CCSER1: variants seen among roughly 807,000 people sequenced by gnomAD.
CCSER1 encodes coiled-coil serine rich protein 1.
In CCSER1, 41 loss-of-function variants were observed where a neutral mutation model predicts 82.0. The ratio of observed to expected loss-of-function variants is 0.50; its 90% CI spans 0.39 to 0.65. The LOEUF (loss-of-function observed/expected upper bound fraction) is 0.65. Ranked by LOEUF, CCSER1 falls within the 30% of genes least tolerant of loss-of-function variation. The pLI, the probability that CCSER1 is intolerant of heterozygous loss-of-function variation, is 0.00. For missense variants in CCSER1, 1,119 were observed against 1,064.2 expected, an observed-to-expected ratio of 1.05 and a Z score of -0.72; for synonymous variants, 414 against 383.9, an observed-to-expected ratio of 1.08 and a Z score of -0.92.
intron 10 of CCSER1, among the ~76,000 whole-genome samples, chr4:91,248,979 C>G (rs181484048): frequency 6.6e-6 from 1 of 152,110 alleles, no homozygotes; most frequent in Non-Finnish European, 1.5e-5. Flanking sequence ...TGGGTACACA[C>G]TTTGCCATAG....
intron 5 of CCSER1, among the ~76,000 whole-genome samples, chr4:90,587,895 A>G (rs1386684895): frequency 2.0e-5 from 3 of 152,344 alleles, no homozygotes; most frequent in Non-Finnish European, 4.4e-5. Context: ...CCAGACCACC[A>G]TAATCAAGTG....
chr4:91,532,535 T>C (rs1185335568), intron 10 of CCSER1, among the ~76,000 whole-genome samples: 1 of 152,132 alleles, frequency 6.6e-6, no homozygotes, highest in Non-Finnish European at 1.5e-5. Context: ...GCAAAGTAAT[T>C]TGCAGAACAA....
intron 1 of CCSER1, among the ~76,000 whole-genome samples, chr4:90,300,491 G>A (rs1732887423): frequency 1.3e-5 from 2 of 152,102 alleles, no homozygotes; most frequent in African/African-American, 4.8e-5. Flanking sequence ...GTAAGTGGTA[G>A]TACTTGCATT....
chr4:90,616,239 A>AACCT (rs1721167378), intron 5 of CCSER1, among the ~76,000 whole-genome samples: 1 of 152,180 alleles, frequency 6.6e-6, no homozygotes, highest in Non-Finnish European at 1.5e-5. Context: ...AGTGGCATGG[A>AACCT]ACCTAACCCA....
Position 91,146,267 on chromosome 4 carries a change from C to T in CCSER1, c.2217+60273C>T, listed in dbSNP as rs554648467. ...ATTTCTGTAGTGAATTTTTCAATTC[C>T]AGAATTTCAGTGGGTTCCTTCTTAA... On this transcript the variant is annotated intron_variant, in intron 10 of 10. Transcript: ENST00000509176. Among the ~76,000 whole-genome samples, 5 of 152,208 alleles carry T rather than the reference C, an allele frequency of 3.3e-5. No individual in the cohort carries two copies. The South Asian group carries it at 1.0e-3, about 32-fold the overall frequency.
At chr4:91,442,927 C>T (rs1309708065) in intron 10 of CCSER1, among the ~76,000 whole-genome samples, 3 of 152,158 alleles carry the variant, frequency 2.0e-5, no homozygotes, top group Admixed American at 2.0e-4. Context: ...AGTGAGATAC[C>T]ATCTCACACC....
chr4:91,494,638 TTA>T (rs1758712637), intron 10 of CCSER1, among the ~76,000 whole-genome samples: 1 of 151,778 alleles, frequency 6.6e-6, no homozygotes, highest in African/African-American at 2.4e-5. Context: ...GTTCCCACAC[TTA>T]AAAAATTACT....
chr4:90,770,471 A>G (rs1362237723), intron 7 of CCSER1, among the ~76,000 whole-genome samples: 1 of 152,242 alleles, frequency 6.6e-6, no homozygotes, highest in Non-Finnish European at 1.5e-5. Context: ...TATTTCAATA[A>G]TAACATATAG....
chr4:90,180,452 G>T (rs1311859602), intron 1 of CCSER1, among the ~76,000 whole-genome samples: 3 of 151,984 alleles, frequency 2.0e-5, no homozygotes, highest in African/African-American at 7.2e-5. Context: ...AGCCAGGCCT[G>T]GTGGCAGGCA....
At chr4:90,548,561 T>TA (rs1394593496) in intron 5 of CCSER1, among the ~76,000 whole-genome samples, 1 of 152,032 alleles carries the variant, frequency 6.6e-6, no homozygotes, top group Non-Finnish European at 1.5e-5. Context: ...CTAGAAACTC[T>TA]AAGACTCTAG....
At chr4:90,207,892 G>T (rs751071964) in intron 1 of CCSER1, among the ~76,000 whole-genome samples, 1 of 152,144 alleles carries the variant, frequency 6.6e-6, no homozygotes, top group Non-Finnish European at 1.5e-5. Flanking sequence ...AGGGGCACCC[G>T]CCAGATGCCA....
intron 1 of CCSER1, among the ~76,000 whole-genome samples, chr4:90,206,781 A>ATTGAAAGTGGGGTG (rs200749504): frequency 8.1e-6 from 1 of 123,132 alleles, no homozygotes; most frequent in African/African-American, 3.6e-5. Context: ...TCTGTCTAAT[A>ATTGAAAGTGGGGTG]TTAAAGTCTC....
At chr4:91,361,341 G>T (rs76352893) in intron 10 of CCSER1, among the ~76,000 whole-genome samples, 6,164 of 151,902 alleles carry the variant, frequency 0.041, 439 homozygotes, top group African/African-American at 0.14. Flanking sequence ...ACAGCAGAAA[G>T]ATGGACTGGA....
At chr4:90,665,525 G>A (rs979930551) in intron 6 of CCSER1, among the ~76,000 whole-genome samples, 15 of 152,004 alleles carry the variant, frequency 9.9e-5, no homozygotes, top group Admixed American at 3.9e-4. Context: ...GTTTCACTGT[G>A]TTAGCCAGGA....
intron 1 of CCSER1, among the ~76,000 whole-genome samples, chr4:90,153,499 C>T (rs1244526437): frequency 6.6e-6 from 1 of 152,076 alleles, no homozygotes; most frequent in African/African-American, 2.4e-5. Context: ...TACAGTCCCA[C>T]CAACAGTGTC....
rs576233051 is a variant in CCSER1, at chr4:91,489,856, AAAC to A, written c.2218-108712_2218-108710del. 4.1e-4 allele frequency among the ~76,000 whole-genome samples: 62 copies of A among 152,220 alleles called. 1 individual carries two copies. The South Asian group carries it at 0.012, about 30-fold the overall frequency. On this transcript the variant is annotated intron_variant, in intron 10 of 10. Coordinates refer to ENST00000509176, the MANE Select transcript of CCSER1 (RefSeq NM_001145065.2). ...ATGATACTCTCTGACCAAAACTTAAAAACAACCCGAATATATATGGACCTCAAA... is the reference window on the plus strand; with the variant it reads ...ATGATACTCTCTGACCAAAACTTAAAAACCCGAATATATATGGACCTCAAA...
intron 3 of CCSER1, among the ~76,000 whole-genome samples, chr4:90,333,722 A>G (rs1739821827): frequency 6.6e-6 from 1 of 152,190 alleles, no homozygotes; most frequent in South Asian, 2.1e-4. Context: ...TCAAAGATCT[A>G]CTCAATTCAT....
In CCSER1 at chr4:90,815,840, G is replaced by T; in HGVS notation, c.2089G>T (p.Glu697Ter). 1 of 1,549,884 alleles carries T rather than the reference G, an allele frequency of 6.5e-7. No individual in the cohort carries two copies. Among genetic ancestry groups the T allele is most frequent in the Non-Finnish European group, 8.7e-7 (1 of 1,145,680 alleles). Residue 697 changes from glutamate (E) to a stop codon, truncating the protein, a stop_gained, in exon 8 of 11, where the codon GAG becomes TAG. Coordinates refer to ENST00000509176, the MANE Select transcript of CCSER1 (RefSeq NM_001145065.2). LOFTEE classifies it high-confidence loss of function. ...KDELISQLQEELGKVRHLQKA... is the reference protein window; with the variant it reads ...KDELISQLQE ...TGAACTCATTTCCCAACTTCAGGAAGAGCTGGTAAGTGATAACAATGCTTG... is the reference window on the plus strand; with the variant it reads ...TGAACTCATTTCCCAACTTCAGGAATAGCTGGTAAGTGATAACAATGCTTG...
chr4:91,591,876 GA>G (rs1764287590), intron 10 of CCSER1, among the ~76,000 whole-genome samples: 1 of 152,020 alleles, frequency 6.6e-6, no homozygotes, highest in African/African-American at 2.4e-5. Flanking sequence ...CACTGAAATT[GA>G]TTTTTTTTCA....
Sources: allele counts gnomAD v4.1 joint callset (sites outside exome capture counted in the v4.1 genomes callset), GRCh38; gene constraint gnomAD v4.1.1; transcripts MANE v1.5; gene names NCBI Gene and HGNC (gene_info 2026-07-23, HGNC 2026-07-21).